The following SPIDR variants were observed in gnomAD, a reference collection of about 807,000 sequenced individuals.
SPIDR encodes DNA repair-scaffolding protein.
A neutral mutation model predicts 104.6 loss-of-function variants in SPIDR; 93 were observed. That is an observed-to-expected ratio of 0.89 (90% CI 0.75 to 1.06). SPIDR has a LOEUF of 1.06. SPIDR is among the 50% of genes least tolerant of loss of function. The pLI is 0.00. For synonymous variants in SPIDR, 431 were observed against 416.9 expected (o/e 1.03, Z -0.41); for missense variants, 1,154 against 1,111.2 (o/e 1.04, Z -0.55).
At chr8:47,312,638 T>G (rs1158063855) in intron 5 of SPIDR, among the ~76,000 whole-genome samples, 1 of 152,144 alleles carries the variant, frequency 6.6e-6, no homozygotes, top group Non-Finnish European at 1.5e-5. Context: ...TCAGATGAGG[T>G]AGGTTGCGAA....
Position 47,639,555 on chromosome 8 carries a change from C to A in SPIDR, c.1545-34246C>A, listed in dbSNP as rs1280479339. The stretch of plus-strand genomic sequence containing the variant: ...GGCGTTCCTTTACCCTATAACTTCA[C>A]TTCCACGTATCAAATATTAGATGTG... On this transcript the variant is annotated intron_variant, in intron 10 of 19. Transcript: ENST00000297423. 2.6e-5 allele frequency among the ~76,000 whole-genome samples: 4 copies of A among 151,920 alleles called. No homozygotes were observed. The East Asian group carries it at 7.7e-4, about 29-fold the overall frequency.
intron 8 of SPIDR, among the ~76,000 whole-genome samples, chr8:47,491,588 A>G (rs1554739632): frequency 6.6e-6 from 1 of 152,116 alleles, no homozygotes; most frequent in Non-Finnish European, 1.5e-5. Flanking sequence ...ACCTACGTGC[A>G]GAGATCAGAA....
intron 5 of SPIDR, among the ~76,000 whole-genome samples, chr8:47,378,610 C>T (rs1200051418): frequency 6.6e-6 from 1 of 152,176 alleles, no homozygotes; most frequent in Non-Finnish European, 1.5e-5. Flanking sequence ...TTTCTGTTAA[C>T]TTGTGTGACT....
intron 5 of SPIDR, among the ~76,000 whole-genome samples, chr8:47,331,163 A>G (rs1037953613): frequency 6.6e-6 from 1 of 152,120 alleles, no homozygotes; most frequent in Non-Finnish European, 1.5e-5. Context: ...CTTTGGAGAG[A>G]TATCTGTTAA....
At chr8:47,457,705 G>A (rs1336233238) in intron 8 of SPIDR, among the ~76,000 whole-genome samples, 1 of 152,054 alleles carries the variant, frequency 6.6e-6, no homozygotes, top group African/African-American at 2.4e-5. Context: ...TTATCTTCTG[G>A]AAATTTTACA....
intron 8 of SPIDR, among the ~76,000 whole-genome samples, chr8:47,467,931 A>G (rs782699222): frequency 2.0e-4 from 30 of 152,200 alleles, no homozygotes; most frequent in Non-Finnish European, 3.5e-4. Context: ...CTGTTTGCAG[A>G]AGACATGATC....
At chr8:47,460,497 T>C (rs920198087) in intron 8 of SPIDR, among the ~76,000 whole-genome samples, 3 of 152,192 alleles carry the variant, frequency 2.0e-5, no homozygotes, top group Non-Finnish European at 4.4e-5. Flanking sequence ...TCAGTTTTGG[T>C]GTTCATTTGC....
chr8:47,615,407 T>C (rs2064156668), intron 10 of SPIDR, among the ~76,000 whole-genome samples: 1 of 152,076 alleles, frequency 6.6e-6, no homozygotes, highest in South Asian at 2.1e-4. Context: ...TTAAATTAAT[T>C]TGGCTAGCTC....
At chr8:47,539,793 G>A (rs1398196106) in intron 8 of SPIDR, among the ~76,000 whole-genome samples, 3 of 151,988 alleles carry the variant, frequency 2.0e-5, no homozygotes, top group Non-Finnish European at 4.4e-5. Context: ...TCAGGTGTTG[G>A]TTTGAGTGCT....
At chr8:47,270,766 T>G (rs1466935934) in intron 1 of SPIDR, among the ~76,000 whole-genome samples, 4 of 152,206 alleles carry the variant, frequency 2.6e-5, no homozygotes, top group African/African-American at 9.6e-5. Context: ...TATATTGTTT[T>G]CATTCCTTTT....
intron 5 of SPIDR, among the ~76,000 whole-genome samples, chr8:47,312,137 G>A (rs2044301697): frequency 6.6e-6 from 1 of 152,176 alleles, no homozygotes; most frequent in South Asian, 2.1e-4. Flanking sequence ...CATTTGGGTT[G>A]GTTCCAAGTC....
chr8:47,658,544 C>CTGT (rs10584346), intron 10 of SPIDR, among the ~76,000 whole-genome samples: 30,618 of 148,398 alleles, frequency 0.21, 3,238 homozygotes, highest in East Asian at 0.39. Context: ...GGTTTTGTTA[C>CTGT]TGTTGTTGTT....
intron 8 of SPIDR, among the ~76,000 whole-genome samples, chr8:47,489,871 A>C (rs2078373961): frequency 6.6e-6 from 1 of 152,120 alleles, no homozygotes; most frequent in Admixed American, 6.6e-5. Flanking sequence ...TTAAAGACTT[A>C]AATGTTAGAC....
intron 8 of SPIDR, among the ~76,000 whole-genome samples, chr8:47,529,018 C>G (rs1325117773): frequency 1.3e-5 from 2 of 152,138 alleles, no homozygotes; most frequent in East Asian, 3.9e-4. Flanking sequence ...GAAAAAACAC[C>G]AGAGGGGAAG....
At chr8:47,323,692 A>G (rs1238329958) in intron 5 of SPIDR, among the ~76,000 whole-genome samples, 1 of 152,196 alleles carries the variant, frequency 6.6e-6, no homozygotes, top group Non-Finnish European at 1.5e-5. Flanking sequence ...GGCACAGCAC[A>G]CAGCTGAACA....
In SPIDR at chr8:47,483,006, C is replaced by A. The variant is rs555409467; in HGVS notation, c.1097+42464C>A. ...CTGCCCCCTCCCCAAGGAAAGGCCGCCCCTCTGCCCCTCCACAGTGGGTGG... is the reference window on the plus strand; with the variant it reads ...CTGCCCCCTCCCCAAGGAAAGGCCGACCCTCTGCCCCTCCACAGTGGGTGG... On this transcript the variant is annotated intron_variant, in intron 8 of 19. Coordinates refer to ENST00000297423, the MANE Select transcript of SPIDR (RefSeq NM_001080394.4). 7.2e-5 allele frequency among the ~76,000 whole-genome samples: 11 copies of A among 152,360 alleles called. No individual in the cohort carries two copies. In the East Asian group the frequency reaches 2.1e-3, roughly 29 times the overall value.
At chr8:47,447,213 T>G (rs1430963439) in intron 8 of SPIDR, among the ~76,000 whole-genome samples, 1 of 152,180 alleles carries the variant, frequency 6.6e-6, no homozygotes, top group Non-Finnish European at 1.5e-5. Context: ...TTTTCTGTTT[T>G]GTTTTGTTTT....
chr8:47,662,778 C>A (rs1289710946), intron 10 of SPIDR, among the ~76,000 whole-genome samples: 2 of 152,148 alleles, frequency 1.3e-5, no homozygotes, highest in Non-Finnish European at 2.9e-5. Context: ...AAATCTTTAC[C>A]CGCAAGGTAT....
chr8:47,354,438 G>A (rs1182338748), intron 5 of SPIDR, among the ~76,000 whole-genome samples: 4 of 150,930 alleles, frequency 2.7e-5, no homozygotes, highest in South Asian at 4.2e-4. Context: ...CACTCATTTG[G>A]CACTTATCAG....
Sources: gnomAD v4.1 joint callset for allele counts (sites outside exome capture counted in the v4.1 genomes callset) on GRCh38, gnomAD v4.1.1 for gene constraint, MANE v1.5 for transcripts, NCBI Gene and HGNC (gene_info 2026-07-23, HGNC 2026-07-21) for gene names.